The following MSI1 variants were observed in gnomAD, a reference collection of about 807,000 sequenced individuals.
MSI1 encodes musashi RNA binding protein 1, also known as RNA-binding protein Musashi homolog 1.
Under a neutral mutation model 54.4 loss-of-function variants are expected in MSI1, and 15 were observed. The observed-to-expected ratio is 0.28, with a 90% CI of 0.18 to 0.42. The LOEUF (loss-of-function observed/expected upper bound fraction) is 0.42, where lower values mean the gene tolerates loss of function less well. Among genes scored for constraint, MSI1 ranks in the 20% least tolerant of loss-of-function variants. The probability of loss-of-function intolerance (pLI) is 1.00; values close to 1 mark genes in which losing one functional copy is unlikely to be tolerated. For synonymous variants in MSI1, 200 were observed against 196.5 expected, an observed-to-expected ratio of 1.02 and a Z score of -0.15; for missense variants, 304 against 506.0, an observed-to-expected ratio of 0.60 and a Z score of 3.83.
At chr12:120,355,397 C>T (rs1465101742) in intron 9 of MSI1, among the ~76,000 whole-genome samples, 1 of 116,188 alleles carries the variant, frequency 8.6e-6, no homozygotes, top group Non-Finnish European at 1.8e-5. Context: ...AGTGAGACTC[C>T]GTCTCAAAAA....
intron 6 of MSI1, 70 bp from the exon 7 acceptor site, chr12:120,359,123 C>T: frequency 6.5e-7 from 1 of 1,536,962 alleles, no homozygotes; most frequent in Non-Finnish European, 8.8e-7. Flanking sequence ...GGAACAGGGG[C>T]TCTGGCAACC....
rs772260417 is a variant in MSI1, at chr12:120,347,480, C to A, written c.825G>T (p.Ala275=). 1.9e-6 allele frequency: 3 copies of A among 1,614,130 alleles called. No homozygotes were observed. ...IPLTAYGPMA[A]AAAAAAVVRG... ...GAACCACAGCCGCTGCCGCCGCTGCCGCCGCCATTGGTCCGTAGGCAGTGA... is the reference window on the plus strand; with the variant it reads ...GAACCACAGCCGCTGCCGCCGCTGCAGCCGCCATTGGTCCGTAGGCAGTGA... The change falls in exon 12 of 15, where the codon GCG becomes GCT. Residue 275 remains alanine (A), a synonymous_variant. Coordinates refer to ENST00000257552, the MANE Select transcript of MSI1 (RefSeq NM_002442.4).
chr12:120,364,730 C>T lies in MSI1; in HGVS notation c.293G>A (p.Arg98Gln), dbSNP rs1033191114. Residue 98 changes from arginine to glutamine, a missense_variant, in exon 5 of 15, where the codon CGG becomes CAG. By Grantham distance (43) the Arg-to-Gln change is conservative. Transcript: ENST00000257552. ...KTIDPKVAFP[R>Q]RAQPKMVTRT... ...CACACCTACCTTGGGCTGTGCTCGC[C>T]GAGGGAAGGCCACCTTAGGGTCAAT... The T allele has an allele frequency of 6.3e-6, 10 of 1,599,256 alleles. No homozygotes were observed. The highest frequency in any genetic ancestry group is 4.6e-5 in the East Asian group (2 of 43,894).
chr12:120,368,302 G>C lies in MSI1; in HGVS notation c.101-29C>G. ...TAACCACACACCCGCCTTCGGACCAGCCCGGGCCCCGCGCCCTTCCCCCCC... is the reference window on the plus strand; with the variant it reads ...TAACCACACACCCGCCTTCGGACCACCCCGGGCCCCGCGCCCTTCCCCCCC... On this transcript the variant is annotated intron_variant, in intron 2 of 14. Transcript: ENST00000257552. The surrounding 1 kb of genome is among the most constrained non-coding windows in gnomAD (Gnocchi z 6.6). The C allele has an allele frequency of 6.5e-7, 1 of 1,539,894 alleles. No homozygotes were observed. The highest frequency in any genetic ancestry group is 8.7e-7 in the Non-Finnish European group (1 of 1,144,782).
chr12:120,357,357 G>T (rs952195620), intron 8 of MSI1, among the ~76,000 whole-genome samples: 1 of 152,158 alleles, frequency 6.6e-6, no homozygotes, highest in Non-Finnish European at 1.5e-5. Context: ...GTTTTTAGGG[G>T]TTGGAAGAAC....
rs1024292175 is a variant in MSI1, at chr12:120,343,088, C to T, written c.*39G>A. ...CGCTGGCTCACTCGTGGTCCTCAGT[C>T]AGCTGCAGGCTGGGGCGCTGGGAAC... On this transcript the variant is annotated 3_prime_UTR_variant, in exon 15 of 15. Transcript: ENST00000257552. 2.0e-5 allele frequency: 3 copies of T among 152,316 alleles called. No homozygotes were observed. Among genetic ancestry groups the T allele is most frequent in the African/African-American group, 7.2e-5 (3 of 41,412 alleles). 9.4% of individuals were successfully genotyped at this position (152,316 alleles called of 1,614,324 possible).
rs1484687466 is a variant in MSI1 at position 120,346,200 on chromosome 12, C to G, written c.982G>C (p.Gly328Arg). The G allele has an allele frequency of 6.2e-7, 1 of 1,600,180 alleles. No individual in the cohort carries two copies. Among genetic ancestry groups the G allele is most frequent in the South Asian group, 1.1e-5 (1 of 88,474 alleles). The change falls in exon 13 of 15, where the codon GGG becomes CGG. Residue 328 changes from glycine to arginine, a missense_variant. By Grantham distance (125) the Gly-to-Arg change is moderately radical. This residue lies in a region of MSI1 where 147 missense variants were observed against 231.5 expected (regional missense o/e 0.64). Transcript: ENST00000257552. ...GCGGCGCTGATGTAACTGCTGACCCCCGAGTCCTGGTTGGCCGCCCCGTAG... is the reference window on the plus strand; with the variant it reads ...GCGGCGCTGATGTAACTGCTGACCCGCGAGTCCTGGTTGGCCGCCCCGTAG... ...ELYGAANQDS[G>R]VSSYISAASP...
At chr12:120,364,849 C>A in intron 4 of MSI1, 94 bp from the exon 5 acceptor site, 1 of 1,103,974 alleles carries the variant, frequency 9.1e-7, no homozygotes, top group South Asian at 1.7e-5. Flanking sequence ...TCTCTCCTCC[C>A]AGGACACAAA....
intron 9 of MSI1, among the ~76,000 whole-genome samples, chr12:120,353,693 C>G (rs1462198194): frequency 6.6e-6 from 1 of 152,172 alleles, no homozygotes; most frequent in East Asian, 1.9e-4. Context: ...CCCTCCTGTC[C>G]TCATCTCCTG....
chr12:120,357,652 C>T (rs1361701055), intron 8 of MSI1, among the ~76,000 whole-genome samples, 164 bp downstream of exon 8: 3 of 152,124 alleles, frequency 2.0e-5, no homozygotes, highest in Admixed American at 6.6e-5. Flanking sequence ...ATTACAGGCA[C>T]GCACCACCAT....
At chr12:120,353,913 A>G (rs1428523501) in intron 9 of MSI1, among the ~76,000 whole-genome samples, 1 of 152,094 alleles carries the variant, frequency 6.6e-6, no homozygotes, top group Admixed American at 6.5e-5. Context: ...ATCAGCTACA[A>G]TTTCTATCAT....
Position 120,369,093 on chromosome 12 carries a change from G to A in MSI1, c.-2C>T. The A allele has an allele frequency of 2.0e-6, 2 of 1,015,602 alleles. No homozygotes were observed. Among genetic ancestry groups the A allele is most frequent in the Non-Finnish European group, 2.3e-6 (2 of 854,430 alleles). 62.9% of individuals were successfully genotyped at this position (1,015,602 alleles called of 1,614,324 possible). On this transcript the variant is annotated 5_prime_UTR_variant, in exon 1 of 15. Transcript: ENST00000257552. ...GGGCTGGGGCGCGTCAGTCTCCATC[G>A]GGAGCCGCGGGCGGCGCGGGCAGCG...
intron 12 of MSI1, 133 bp from the exon 13 acceptor site, chr12:120,346,455 G>T: frequency 2.2e-6 from 2 of 895,302 alleles, no homozygotes; most frequent in African/African-American, 1.7e-5. Context: ...ACCTCCTGGA[G>T]ATCTCCCCAT....
chr12:120,363,375 G>C (rs970825198), intron 5 of MSI1, among the ~76,000 whole-genome samples: 6 of 151,630 alleles, frequency 4.0e-5, no homozygotes, highest in Non-Finnish European at 8.8e-5. Flanking sequence ...CCTCCCTAGG[G>C]ACTATGTCCA....
In MSI1 at chr12:120,363,889, G is replaced by A. The variant is rs1012116772; in HGVS notation, c.310-754C>T. Among the ~76,000 whole-genome samples the A allele has an allele frequency of 3.9e-5, 6 of 152,310 alleles. No individual in the cohort carries two copies. In the East Asian group the frequency reaches 1.2e-3, roughly 29 times the overall value. ...ATTCACTGGCCCGGAATCTTAAAGA[G>A]CTCTAGTTCCACCTGGCAAAGGAGG... On this transcript the variant is annotated intron_variant, in intron 5 of 14. Transcript: ENST00000257552.
In MSI1 at chr12:120,341,332, C is replaced by T. The variant is rs1425605575; in HGVS notation, c.*1795G>A. On this transcript the variant is annotated 3_prime_UTR_variant, in exon 15 of 15. Coordinates refer to ENST00000257552, the MANE Select transcript of MSI1 (RefSeq NM_002442.4). ...CACAAGACATTCACAAGCCCAGCAA[C>T]GTTTTCAAATAATTTATTAGGAATT... 6.6e-6 allele frequency: 1 copy of T among 152,250 alleles called. No individual in the cohort carries two copies. Among genetic ancestry groups the T allele is most frequent in the Non-Finnish European group, 1.5e-5 (1 of 68,010 alleles). 9.4% of individuals were successfully genotyped at this position (152,250 alleles called of 1,614,324 possible).
chr12:120,352,921 G>T (rs1411795936), intron 10 of MSI1, among the ~76,000 whole-genome samples: 1 of 152,140 alleles, frequency 6.6e-6, no homozygotes, highest in East Asian at 1.9e-4. Context: ...CTAGAGCCTG[G>T]CCATTATAGG....
At chr12:120,352,043 G>A (rs1326614485) in intron 10 of MSI1, among the ~76,000 whole-genome samples, 2 of 150,016 alleles carry the variant, frequency 1.3e-5, no homozygotes, top group Non-Finnish European at 3.0e-5. Flanking sequence ...AAAAAGACAG[G>A]GTCTCACTCT....
chr12:120,360,234 C>T (rs911384238), intron 6 of MSI1, among the ~76,000 whole-genome samples: 4 of 152,202 alleles, frequency 2.6e-5, no homozygotes, highest in African/African-American at 9.7e-5. Context: ...ATCCACCCGC[C>T]TCAGCCTCCC....
Sources: gnomAD v4.1 joint callset for allele counts (sites outside exome capture counted in the v4.1 genomes callset) on GRCh38, gnomAD v4.1.1 for gene constraint, gnomAD v4.1.1 regional missense constraint, Gnocchi (gnomAD v3.1) non-coding constraint, MANE v1.5 for transcripts, NCBI Gene and HGNC (gene_info 2026-07-23, HGNC 2026-07-21) for gene names.